CPAP: variants seen among roughly 807,000 people sequenced by gnomAD.
The protein encoded by CPAP is centrosomal P4.1-associated protein.
the CPAP span, among the ~76,000 whole-genome samples, chr13:24,902,436 G>C: frequency 6.6e-6 from 1 of 152,152 alleles, no homozygotes; most frequent in Non-Finnish European, 1.5e-5. Flanking sequence ...TTTACAGTAT[G>C]TATCAGCTGA....
chr13:24,894,945 T>C, the CPAP span, among the ~76,000 whole-genome samples: 1 of 152,022 alleles, frequency 6.6e-6, no homozygotes, highest in South Asian at 2.1e-4. Flanking sequence ...GGAAACGACC[T>C]GCGGGGTGAA....
At chr13:24,921,750 A>G in the CPAP span, among the ~76,000 whole-genome samples, 1 of 152,208 alleles carries the variant, frequency 6.6e-6, no homozygotes, top group Non-Finnish European at 1.5e-5. Flanking sequence ...ATGGAAAACT[A>G]GAAAAATTCC....
At chr13:24,897,717 T>C in the CPAP span, among the ~76,000 whole-genome samples, 2 of 152,202 alleles carry the variant, frequency 1.3e-5, no homozygotes, top group African/African-American at 4.8e-5. Context: ...ATGTACTTTC[T>C]AAGAATTTCT....
the CPAP span, chr13:24,892,629 G>T: frequency 6.3e-7 from 1 of 1,596,966 alleles, no homozygotes; most frequent in Non-Finnish European, 8.6e-7. Flanking sequence ...CAACCCACCC[G>T]CCTCCCTGCC....
the CPAP span, among the ~76,000 whole-genome samples, chr13:24,895,973 G>C: frequency 6.6e-6 from 1 of 152,160 alleles, no homozygotes; most frequent in South Asian, 2.1e-4. Context: ...TAATGTAAAG[G>C]AAGGTTAAAT....
the CPAP span, among the ~76,000 whole-genome samples, chr13:24,890,786 G>A: frequency 1.3e-5 from 2 of 151,824 alleles, no homozygotes; most frequent in Non-Finnish European, 1.5e-5. Flanking sequence ...TGCACCTCCC[G>A]CCTCTGGGCA....
At chr13:24,906,898 T>A in the CPAP span, 7 of 1,613,976 alleles carry the variant, frequency 4.3e-6, no homozygotes, top group Non-Finnish European at 5.9e-6. Context: ...TAGCTAAACC[T>A]TCTCCTCGTT....
chr13:24,883,085 C>G, the CPAP span: 5 of 1,136,374 alleles, frequency 4.4e-6, no homozygotes, highest in Admixed American at 5.1e-5. Context: ...TTTCCCCACA[C>G]ATACACAATA....
the CPAP span, among the ~76,000 whole-genome samples, chr13:24,931,161 CTA>C: frequency 6.6e-6 from 1 of 151,848 alleles, no homozygotes. Context: ...CGATCTTTTT[CTA>C]TGTTTCTTTT....
At chr13:24,915,238 T>C in the CPAP span, among the ~76,000 whole-genome samples, 1 of 152,160 alleles carries the variant, frequency 6.6e-6, no homozygotes, top group Non-Finnish European at 1.5e-5. Context: ...GCTGAGCACC[T>C]GGAAGAACAG....
the CPAP span, chr13:24,905,855 C>T: frequency 1.2e-6 from 2 of 1,614,210 alleles, no homozygotes; most frequent in South Asian, 1.1e-5. Flanking sequence ...GCTATCCTCT[C>T]TGCTGCTGAT....
the CPAP span, among the ~76,000 whole-genome samples, chr13:24,928,757 G>A: frequency 6.6e-6 from 1 of 152,136 alleles, no homozygotes; most frequent in South Asian, 2.1e-4. Flanking sequence ...CAACAATGTT[G>A]GGTGCAAAGA....
chr13:24,923,571 T>TA, the CPAP span, among the ~76,000 whole-genome samples: 7 of 152,330 alleles, frequency 4.6e-5, no homozygotes, highest in Non-Finnish European at 7.3e-5. Context: ...TCTAGGAAGT[T>TA]ACAGCACCGT....
chr13:24,884,202 G>A, the CPAP span: 19 of 1,614,138 alleles, frequency 1.2e-5, no homozygotes, highest in South Asian at 4.4e-5. Flanking sequence ...CAGTCCCTCC[G>A]GGTATGTCGT....
the CPAP span, among the ~76,000 whole-genome samples, chr13:24,920,035 G>A: frequency 1.3e-5 from 2 of 152,142 alleles, no homozygotes; most frequent in Non-Finnish European, 2.9e-5. Flanking sequence ...GCCTCCCAAA[G>A]TGCTGGTATT....
chr13:24,892,019 C>T, the CPAP span, among the ~76,000 whole-genome samples: 2 of 152,198 alleles, frequency 1.3e-5, no homozygotes, highest in Admixed American at 6.5e-5. Context: ...CCGAAGGTCT[C>T]GTCACCATCT....
chr13:24,884,018 G>A, the CPAP span: 22 of 1,613,940 alleles, frequency 1.4e-5, no homozygotes, highest in East Asian at 3.6e-4. Flanking sequence ...TGTCCATCAG[G>A]AAATAAGTTT....
At chr13:24,894,699 C>T in the CPAP span, among the ~76,000 whole-genome samples, 142 of 152,034 alleles carry the variant, frequency 9.3e-4, no homozygotes, top group Non-Finnish European at 1.7e-3. Context: ...GGGGGCAGAA[C>T]GCGCGGAGGA....
chr13:24,923,978 G>A, the CPAP span, among the ~76,000 whole-genome samples: 809 of 152,104 alleles, frequency 5.3e-3, 22 homozygotes, highest in East Asian at 0.082. Context: ...ACAGGCGCCC[G>A]CCACCACGCC....
Sources: gnomAD v4.1 joint callset for allele counts (sites outside exome capture counted in the v4.1 genomes callset) on GRCh38, gnomAD v4.1.1 for gene constraint, MANE v1.5 for transcripts, NCBI Gene and HGNC (gene_info 2026-07-23, HGNC 2026-07-21) for gene names.